FBXO25: variants seen among roughly 807,000 people sequenced by gnomAD.
The protein encoded by FBXO25 is F-box only protein 25.
FBXO25 carries 45 observed loss-of-function variants against 51.9 expected under a neutral mutation model. The ratio of observed to expected loss-of-function variants is 0.87; its 90% CI spans 0.68 to 1.11. The LOEUF (loss-of-function observed/expected upper bound fraction) is 1.11. Ranked by LOEUF, FBXO25 falls within the 50% of genes most tolerant of loss-of-function variation. The pLI is 0.00. For missense variants in FBXO25, 507 were observed against 428.5 expected, an observed-to-expected ratio of 1.18 and a Z score of -1.62; for synonymous variants, 199 against 151.0, an observed-to-expected ratio of 1.32 and a Z score of -2.33.
intron 7 of FBXO25, 31 bp downstream of exon 7, chr8:451,484 A>C: frequency 3.1e-6 from 5 of 1,589,070 alleles, no homozygotes; most frequent in Non-Finnish European, 4.3e-6. Context: ...GAGTTATTAC[A>C]CTCTGTTTTT....
At chr8:455,253 G>A (rs1299829858) in intron 7 of FBXO25, among the ~76,000 whole-genome samples, 1 of 152,218 alleles carries the variant, frequency 6.6e-6, no homozygotes, top group Non-Finnish European at 1.5e-5. Context: ...TCATTGAAAG[G>A]TCCTTGTTTA....
intron 5 of FBXO25, among the ~76,000 whole-genome samples, chr8:438,643 C>T (rs1367358278): frequency 6.6e-5 from 10 of 152,224 alleles, no homozygotes; most frequent in Non-Finnish European, 1.2e-4. Context: ...ATGCTCTTCA[C>T]TCAAGGCAGG....
chr8:411,396 G>T (rs942484636), intron 1 of FBXO25, among the ~76,000 whole-genome samples: 1 of 151,818 alleles, frequency 6.6e-6, no homozygotes, highest in Admixed American at 6.6e-5. Flanking sequence ...TATATCTGCC[G>T]ATCCCTTAAA....
chr8:416,712 G>A (rs1404370835), intron 2 of FBXO25, among the ~76,000 whole-genome samples: 1 of 152,142 alleles, frequency 6.6e-6, no homozygotes. Flanking sequence ...GATGTCTCTG[G>A]TCTTATTATT....
At chr8:457,247 C>T (rs144426452) in intron 7 of FBXO25, among the ~76,000 whole-genome samples, 91 of 152,302 alleles carry the variant, frequency 6.0e-4, no homozygotes, top group African/African-American at 2.0e-3. Flanking sequence ...GTCAGGAAGA[C>T]GTGTTTCTAG....
At chr8:468,487 G>T (rs1023139740) in intron 9 of FBXO25, among the ~76,000 whole-genome samples, 1 of 152,202 alleles carries the variant, frequency 6.6e-6, no homozygotes, top group African/African-American at 2.4e-5. Context: ...GCAGACCTGG[G>T]GCCACCGTCT....
Position 472,446 on chromosome 8 carries a change from G to C in FBXO25, c.*3642G>C, listed in dbSNP as rs1272962420. ...TGATACCTTTTATACATAGCTGTTA[G>C]ATTTGGTGTGCTGGAACAGCCAGCC... On this transcript the variant is annotated 3_prime_UTR_variant, in exon 10 of 10. Coordinates refer to ENST00000350302, the MANE Select transcript of FBXO25 (RefSeq NM_183420.2). The C allele has an allele frequency of 6.6e-6, 1 of 152,240 alleles. No individual in the cohort carries two copies. Among genetic ancestry groups the C allele is most frequent in the Non-Finnish European group, 1.5e-5 (1 of 68,074 alleles). 9.4% of individuals were successfully genotyped at this position (152,240 alleles called of 1,614,324 possible).
chr8:431,706 T>G (rs1028542678), intron 3 of FBXO25, among the ~76,000 whole-genome samples: 2 of 152,188 alleles, frequency 1.3e-5, no homozygotes, highest in African/African-American at 4.8e-5. Flanking sequence ...GGTCATGAAT[T>G]CAGCTCAGTC....
intron 8 of FBXO25, among the ~76,000 whole-genome samples, chr8:460,640 T>C (rs10088894): frequency 0.22 from 33,156 of 152,128 alleles, 4,107 homozygotes; most frequent in African/African-American, 0.32. Context: ...AAATCACAGA[T>C]GGTTATTCAG....
At chr8:455,129 T>G (rs1465867059) in intron 7 of FBXO25, among the ~76,000 whole-genome samples, 1 of 152,170 alleles carries the variant, frequency 6.6e-6, no homozygotes, top group Non-Finnish European at 1.5e-5. Context: ...ATCCAGGGGC[T>G]AATAAAGTGT....
In FBXO25 at chr8:470,054, A is replaced by C. The variant is rs1404087833; in HGVS notation, c.*1250A>C. Reference sequence around the variant, plus strand: ...CATAAATGTCCCGTATACCACTGTTACTTCACAACGCCCCCCGTCCCGACC... The same window carrying C: ...CATAAATGTCCCGTATACCACTGTTCCTTCACAACGCCCCCCGTCCCGACC... On this transcript the variant is annotated 3_prime_UTR_variant, in exon 10 of 10. Transcript: ENST00000350302. The C allele has an allele frequency of 6.7e-6, 1 of 149,846 alleles. No individual in the cohort carries two copies. The highest frequency in any genetic ancestry group is 1.5e-5 in the Non-Finnish European group (1 of 67,828). The allele number at this position is 149,846 out of a possible 1,614,324, so 9.3% of individuals were successfully genotyped here.
rs555138595 is a variant in FBXO25, at chr8:475,660, G to C, written c.*6856G>C. 1 of 152,062 alleles carries C rather than the reference G, an allele frequency of 6.6e-6. No homozygotes were observed. The highest frequency in any genetic ancestry group is 2.1e-4 in the South Asian group (1 of 4,812). The allele number at this position is 152,062 out of a possible 1,614,324, so 9.4% of individuals were successfully genotyped here. A position where few individuals can be genotyped will look rare whatever the true frequency, so the allele number is the denominator to read the frequency against. On this transcript the variant is annotated 3_prime_UTR_variant, in exon 10 of 10. Coordinates refer to ENST00000350302, the MANE Select transcript of FBXO25 (RefSeq NM_183420.2). ...CTTAAGTTTATTCCTAAATATTTCA[G>C]TTTTTTTGTTACTATTATAATGGAA... is the stretch of plus-strand genomic sequence containing the variant.
Position 439,796 on chromosome 8 carries a change from G to A in FBXO25, c.381+4089G>A, listed in dbSNP as rs369915031. ...TAAATGTGGAAAGGTGGCCAGGTGC[G>A]GTGACTCATGCCTGCAATCCCAGCA... On this transcript the variant is annotated intron_variant, in intron 5 of 9. Transcript: ENST00000350302. Among the ~76,000 whole-genome samples, 30 of 152,244 alleles carry A rather than the reference G, an allele frequency of 2.0e-4. No individual in the cohort carries two copies. In the South Asian group the frequency reaches 3.1e-3, roughly 16 times the overall value.
At chr8:427,493 C>T (rs1252770361) in intron 2 of FBXO25, among the ~76,000 whole-genome samples, 1 of 151,492 alleles carries the variant, frequency 6.6e-6, no homozygotes, top group Non-Finnish European at 1.5e-5. Context: ...CAATATCAAA[C>T]TGAAGTAACT....
intron 4 of FBXO25, among the ~76,000 whole-genome samples, chr8:434,869 A>C (rs1196176433): frequency 6.6e-6 from 1 of 152,208 alleles, no homozygotes; most frequent in Non-Finnish European, 1.5e-5. Flanking sequence ...CAGTACTGAA[A>C]ATAAATTGTT....
chr8:465,522 CAACT>C (rs1800099287), intron 9 of FBXO25, among the ~76,000 whole-genome samples: 1 of 152,154 alleles, frequency 6.6e-6, no homozygotes, highest in African/African-American at 2.4e-5. Context: ...GTCTGCTGAG[CAACT>C]AACAAAGAAA....
chr8:442,286 T>A (rs1798471391), intron 5 of FBXO25, among the ~76,000 whole-genome samples: 1 of 117,318 alleles, frequency 8.5e-6, no homozygotes, highest in East Asian at 2.0e-4. Context: ...TTACTCCAAT[T>A]ATTTTTTTTT....
chr8:452,413 C>A (rs906097814), intron 7 of FBXO25, among the ~76,000 whole-genome samples: 6 of 143,348 alleles, frequency 4.2e-5, no homozygotes, highest in African/African-American at 1.1e-4. Context: ...TCTTTTACTG[C>A]GTTCCCCATG....
At chr8:447,315 C>G (rs1798800745) in intron 5 of FBXO25, among the ~76,000 whole-genome samples, 1 of 152,016 alleles carries the variant, frequency 6.6e-6, no homozygotes, top group Non-Finnish European at 1.5e-5. Flanking sequence ...AGCTGCCCTT[C>G]CCCCAACCCT....
Sources: allele counts gnomAD v4.1 joint callset (sites outside exome capture counted in the v4.1 genomes callset), GRCh38; gene constraint gnomAD v4.1.1; transcripts MANE v1.5; gene names NCBI Gene and HGNC (gene_info 2026-07-23, HGNC 2026-07-21).